Variants in LOC400499 observed in about 807,000 individuals in gnomAD.
At chr16:11,381,287 C>T in the LOC400499 span, among the ~76,000 whole-genome samples, 11 of 152,150 alleles carry the variant, frequency 7.2e-5, no homozygotes, top group East Asian at 1.9e-4. Flanking sequence ...CAGTCTGTCA[C>T]GCAGGCAGGA....
chr16:11,391,563 GA>G, the LOC400499 span: 2 of 1,023,902 alleles, frequency 2.0e-6, no homozygotes, highest in Non-Finnish European at 2.5e-6. Context: ...CCACATTTCT[GA>G]TTGAAACAGT....
chr16:11,402,488 G>C, the LOC400499 span, among the ~76,000 whole-genome samples: 1 of 152,154 alleles, frequency 6.6e-6, no homozygotes, highest in East Asian at 1.9e-4. Flanking sequence ...AGTTGACCGA[G>C]TGCCAGTTCT....
At chr16:11,496,874 G>C in the LOC400499 span, among the ~76,000 whole-genome samples, 5 of 149,696 alleles carry the variant, frequency 3.3e-5, no homozygotes, top group Admixed American at 3.4e-4. Flanking sequence ...GTGAGTCTTG[G>C]CGTGTATGCC....
At chr16:11,385,631 C>G in the LOC400499 span, among the ~76,000 whole-genome samples, 1 of 152,162 alleles carries the variant, frequency 6.6e-6, no homozygotes, top group Non-Finnish European at 1.5e-5. Context: ...GCAATTCAGC[C>G]CTAACAAGGA....
the LOC400499 span, among the ~76,000 whole-genome samples, chr16:11,505,881 C>G: frequency 6.6e-6 from 1 of 152,076 alleles, no homozygotes; most frequent in Non-Finnish European, 1.5e-5. Context: ...ACGTTAGAAA[C>G]GTTCAAATTC....
At chr16:11,520,802 C>A in the LOC400499 span, among the ~76,000 whole-genome samples, 1 of 151,296 alleles carries the variant, frequency 6.6e-6, no homozygotes, top group South Asian at 2.1e-4. Flanking sequence ...TATGAAAATT[C>A]CTTGTTTTGA....
chr16:11,476,358 A>C, the LOC400499 span, among the ~76,000 whole-genome samples: 1 of 152,006 alleles, frequency 6.6e-6, no homozygotes, highest in African/African-American at 2.4e-5. Context: ...GACTCCAGGA[A>C]AGAGCTGAGG....
chr16:11,453,892 T>C, the LOC400499 span, among the ~76,000 whole-genome samples: 1 of 152,100 alleles, frequency 6.6e-6, no homozygotes, highest in African/African-American at 2.4e-5. Context: ...GACCAACATC[T>C]AACCAATAGG....
chr16:11,374,898 G>C, the LOC400499 span, among the ~76,000 whole-genome samples: 2 of 152,186 alleles, frequency 1.3e-5, no homozygotes, highest in African/African-American at 4.8e-5. Flanking sequence ...ACCCAGGCTG[G>C]AATGCGGTGG....
the LOC400499 span, among the ~76,000 whole-genome samples, chr16:11,427,954 G>T: frequency 2.0e-5 from 3 of 152,228 alleles, no homozygotes; most frequent in South Asian, 6.2e-4. Flanking sequence ...CAGGAAAGGG[G>T]TCCGGATCCA....
the LOC400499 span, among the ~76,000 whole-genome samples, chr16:11,376,968 C>G: frequency 2.6e-4 from 36 of 136,204 alleles, no homozygotes; most frequent in African/African-American, 9.8e-4. Flanking sequence ...AAGATGATGT[C>G]TCACTGTGTT....
the LOC400499 span, among the ~76,000 whole-genome samples, chr16:11,498,958 A>T: frequency 6.9e-6 from 1 of 145,504 alleles, no homozygotes; most frequent in East Asian, 2.1e-4. Context: ...CTGGTGAGGA[A>T]TGGGGCTGGG....
the LOC400499 span, chr16:11,485,218 C>T: frequency 5.3e-5 from 21 of 397,284 alleles, no homozygotes; most frequent in South Asian, 2.8e-4. Flanking sequence ...GGCTGAGGTT[C>T]GGGGACACAA....
the LOC400499 span, chr16:11,385,021 C>T: frequency 4.4e-5 from 54 of 1,232,126 alleles, no homozygotes; most frequent in South Asian, 2.9e-4. Flanking sequence ...GCTTGAGGTC[C>T]GGACAACTGT....
the LOC400499 span, among the ~76,000 whole-genome samples, chr16:11,387,537 GAC>G: frequency 6.6e-5 from 10 of 152,208 alleles, no homozygotes; most frequent in African/African-American, 9.6e-5. Context: ...CCATTTTGAG[GAC>G]ACAGATGTCC....
At chr16:11,391,605 C>G in the LOC400499 span, 1 of 1,219,732 alleles carries the variant, frequency 8.2e-7, no homozygotes, top group Admixed American at 4.2e-5. Context: ...CTTAGGGCCC[C>G]GGTGGAGAGG....
At chr16:11,445,851 T>C in the LOC400499 span, among the ~76,000 whole-genome samples, 23 of 141,294 alleles carry the variant, frequency 1.6e-4, no homozygotes, top group African/African-American at 5.7e-4. Context: ...TTTTTTTTCC[T>C]GAGGCAGTGT....
the LOC400499 span, among the ~76,000 whole-genome samples, chr16:11,395,643 G>T: frequency 1.3e-5 from 2 of 152,238 alleles, no homozygotes; most frequent in African/African-American, 4.8e-5. Context: ...GCTACATGCA[G>T]ATGTTGTACA....
At chr16:11,488,186 T>C in the LOC400499 span, among the ~76,000 whole-genome samples, 1 of 152,116 alleles carries the variant, frequency 6.6e-6, no homozygotes, top group Non-Finnish European at 1.5e-5. Flanking sequence ...AGGACTACCT[T>C]CTCTTTACAG....
Sources: allele counts gnomAD v4.1 joint callset (sites outside exome capture counted in the v4.1 genomes callset), GRCh38; gene constraint gnomAD v4.1.1; transcripts MANE v1.5.